NOL4L: variants seen among roughly 807,000 people sequenced by gnomAD.
The protein encoded by NOL4L is nucleolar protein 4 like, also known as nucleolar protein 4-like.
In NOL4L, 7 loss-of-function variants were observed where a neutral mutation model predicts 64.5. The ratio of observed to expected loss-of-function variants is 0.11; its 90% CI spans 0.06 to 0.20. The LOEUF (loss-of-function observed/expected upper bound fraction) is 0.20, where lower values mean the gene tolerates loss of function less well. Ranked by LOEUF, NOL4L falls within the 10% of genes least tolerant of loss-of-function variation. NOL4L has a pLI of 1.00. For synonymous variants in NOL4L, 413 were observed against 401.0 expected (o/e 1.03, Z -0.36); for missense variants, 680 against 967.1 (o/e 0.70, Z 3.94).
At chr20:32,583,732 C>A (rs1358426548) in intron 1 of NOL4L, among the ~76,000 whole-genome samples, 1 of 146,184 alleles carries the variant, frequency 6.8e-6, no homozygotes, top group Non-Finnish European at 1.5e-5. Context: ...CTCTCCAGGG[C>A]GCCCCGGGCC....
intron 1 of NOL4L, among the ~76,000 whole-genome samples, chr20:32,566,001 C>T (rs1979406674): frequency 6.6e-6 from 1 of 152,182 alleles, no homozygotes; most frequent in Non-Finnish European, 1.5e-5. Context: ...GCTGTGATCG[C>T]ACCACTGCAC....
chr20:32,576,594 G>A (rs1186800515), intron 1 of NOL4L, among the ~76,000 whole-genome samples: 1 of 152,176 alleles, frequency 6.6e-6, no homozygotes, highest in Non-Finnish European at 1.5e-5. Context: ...TTCCCCATCT[G>A]CAGGGGAGGA....
intron 1 of NOL4L, among the ~76,000 whole-genome samples, chr20:32,540,617 T>G (rs2018637689): frequency 6.6e-6 from 1 of 152,076 alleles, no homozygotes; most frequent in Non-Finnish European, 1.5e-5. Flanking sequence ...TAACCCATAA[T>G]CAGAATGACT....
chr20:32,578,582 A>ATACAG (rs1393621261), intron 1 of NOL4L, among the ~76,000 whole-genome samples: 7 of 152,162 alleles, frequency 4.6e-5, no homozygotes, highest in African/African-American at 1.7e-4. Flanking sequence ...ACGGGGTCTC[A>ATACAG]CCATGTCCCC....
At chr20:32,531,630 T>C (rs1272823034) in intron 1 of NOL4L, among the ~76,000 whole-genome samples, 2 of 152,108 alleles carry the variant, frequency 1.3e-5, no homozygotes, top group Non-Finnish European at 2.9e-5. Flanking sequence ...TGGGATTACA[T>C]GTGTGAGCCA....
At position 32,542,439 on chromosome 20, in the gene NOL4L, G is replaced by A. The variant is rs139409439; in HGVS notation, c.322-14526C>T. Among the ~76,000 whole-genome samples the A allele has an allele frequency of 2.9e-3, 437 of 152,144 alleles. 1 individual carries two copies. Among genetic ancestry groups the A allele is most frequent in the African/African-American group, 0.01 (417 of 41,504 alleles). ...CAGGATCACGGCTCACTGCAGCCTC[G>A]ACCTCCAAGGCTTAAGCAATCCTCC... On this transcript the variant is annotated intron_variant, in intron 1 of 10. Coordinates refer to ENST00000621426, the MANE Select transcript of NOL4L (RefSeq NM_001256798.2).
At chr20:32,491,734 G>T (rs2016478415) in intron 4 of NOL4L, among the ~76,000 whole-genome samples, 1 of 152,124 alleles carries the variant, frequency 6.6e-6, no homozygotes, top group Non-Finnish European at 1.5e-5. Flanking sequence ...CCTTGGAGAG[G>T]CTCAGAGAAA....
chr20:32,474,311 T>G (rs965525935), intron 5 of NOL4L, among the ~76,000 whole-genome samples: 1 of 152,246 alleles, frequency 6.6e-6, no homozygotes, highest in Admixed American at 6.5e-5. Flanking sequence ...GAAACCCACA[T>G]TGCAGAAGCC....
intron 5 of NOL4L, among the ~76,000 whole-genome samples, chr20:32,462,556 T>C (rs1008227823): frequency 2.6e-5 from 4 of 151,536 alleles, no homozygotes; most frequent in Admixed American, 1.3e-4. Flanking sequence ...AAAGAGAGAC[T>C]GGGGGCAGTT....
intron 1 of NOL4L, among the ~76,000 whole-genome samples, chr20:32,562,947 G>GA: frequency 1.3e-5 from 1 of 74,508 alleles, no homozygotes; most frequent in Non-Finnish European, 2.9e-5. Flanking sequence ...AGGGTGGAGG[G>GA]GAGGGAGGGT....
intron 4 of NOL4L, chr20:32,483,477 C>A: frequency 1.0e-6 from 1 of 990,048 alleles, no homozygotes; most frequent in Non-Finnish European, 1.2e-6. Context: ...CGCGGCTGCC[C>A]GGGGAGAGGG....
At chr20:32,473,954 C>T (rs1307349755) in intron 5 of NOL4L, among the ~76,000 whole-genome samples, 3 of 152,220 alleles carry the variant, frequency 2.0e-5, no homozygotes, top group Non-Finnish European at 2.9e-5. Context: ...GGGGAGTCCA[C>T]GTGGAGGCCG....
intron 5 of NOL4L, among the ~76,000 whole-genome samples, chr20:32,458,991 C>T (rs906930766): frequency 1.3e-5 from 2 of 152,356 alleles, no homozygotes; most frequent in Admixed American, 1.3e-4. Context: ...GCTACCAAGA[C>T]CTTTGCCTCG....
At chr20:32,456,497 G>A in intron 5 of NOL4L, 102 bp from the exon 6 acceptor site, 9 of 1,219,982 alleles carry the variant, frequency 7.4e-6, no homozygotes, top group Non-Finnish European at 9.6e-6. Context: ...AGTGTCCCTG[G>A]GTTGGGGTGA....
At chr20:32,583,065 C>T (rs1439005813) in intron 1 of NOL4L, among the ~76,000 whole-genome samples, 1 of 152,144 alleles carries the variant, frequency 6.6e-6, no homozygotes, top group East Asian at 1.9e-4. Flanking sequence ...GGAGCCCGGT[C>T]CCGGCGCGCC....
At chr20:32,536,556 G>T (rs1444669641) in intron 1 of NOL4L, among the ~76,000 whole-genome samples, 2 of 146,912 alleles carry the variant, frequency 1.4e-5, no homozygotes, top group African/African-American at 4.9e-5. Context: ...GGGAGGGGCG[G>T]GAAGGCGCGC....
intron 5 of NOL4L, among the ~76,000 whole-genome samples, chr20:32,472,062 A>G (rs2015060084): frequency 6.6e-6 from 1 of 152,200 alleles, no homozygotes; most frequent in African/African-American, 2.4e-5. Flanking sequence ...GGGAGTCCCC[A>G]CACTCCCGGC....
intron 1 of NOL4L, among the ~76,000 whole-genome samples, chr20:32,556,870 A>C (rs1313137416): frequency 1.3e-5 from 2 of 152,218 alleles, no homozygotes; most frequent in Non-Finnish European, 2.9e-5. Context: ...GTGCCTCGCC[A>C]CACGGCCACC....
chr20:32,556,819 C>T (rs541132320), intron 1 of NOL4L, among the ~76,000 whole-genome samples: 3 of 152,346 alleles, frequency 2.0e-5, no homozygotes, highest in South Asian at 2.1e-4. Context: ...GCCACACAAC[C>T]GGTTAACAGT....
Sources: gnomAD v4.1 joint callset for allele counts (sites outside exome capture counted in the v4.1 genomes callset) on GRCh38, gnomAD v4.1.1 for gene constraint, MANE v1.5 for transcripts, NCBI Gene and HGNC (gene_info 2026-07-23, HGNC 2026-07-21) for gene names.